RAB30: variants seen among roughly 807,000 people sequenced by gnomAD.
The protein encoded by RAB30 is ras-related protein Rab-30.
Under a neutral mutation model 25.1 loss-of-function variants are expected in RAB30, and 9 were observed. The observed-to-expected ratio is 0.36, with a 90% CI of 0.22 to 0.63. The LOEUF is 0.63. RAB30 is among the 20% of genes least tolerant of loss of function. RAB30 has a pLI of 0.69. For missense variants in RAB30, 140 were observed against 243.5 expected (o/e 0.58, Z 2.83); for synonymous variants, 77 against 86.4 (o/e 0.89, Z 0.60).
At chr11:83,039,931 G>A (rs1590869853) in intron 1 of RAB30, among the ~76,000 whole-genome samples, 2 of 152,200 alleles carry the variant, frequency 1.3e-5, no homozygotes, top group Admixed American at 1.3e-4. Context: ...AGAGGAAGAG[G>A]AGGCAGTCTT....
intron 3 of RAB30, 135 bp from the exon 4 acceptor site, chr11:82,987,905 T>TAAACAAAAAAAAAAAAAAAA (rs1491145878): frequency 2.8e-5 from 1 of 35,280 alleles, no homozygotes; most frequent in Non-Finnish European, 5.0e-5. Context: ...TTTTCTGCCC[T>TAAACAAAAAAAAAAAAAAAA]AAAAAAAAAA....
At chr11:83,006,054 A>T (rs1857177785) in intron 1 of RAB30, among the ~76,000 whole-genome samples, 1 of 151,838 alleles carries the variant, frequency 6.6e-6, no homozygotes, top group East Asian at 1.9e-4. Context: ...ATAAGAGGCC[A>T]TTCATCTCAG....
At chr11:83,062,566 T>C (rs1441643834) in intron 1 of RAB30, among the ~76,000 whole-genome samples, 1 of 152,242 alleles carries the variant, frequency 6.6e-6, no homozygotes. Flanking sequence ...GAAAGACTAG[T>C]ATGAACTTGC....
chr11:83,018,185 G>A (rs901483558), intron 1 of RAB30, among the ~76,000 whole-genome samples: 1 of 151,854 alleles, frequency 6.6e-6, no homozygotes, highest in African/African-American at 2.4e-5. Context: ...TGTAGTCCCA[G>A]CTACTCGGGA....
intron 3 of RAB30, 31 bp from the exon 4 acceptor site, chr11:82,987,801 A>G: frequency 6.8e-7 from 1 of 1,472,860 alleles, no homozygotes; most frequent in Non-Finnish European, 9.2e-7. Context: ...AATCAGGTGA[A>G]GAAGGATCAG....
At chr11:83,012,865 G>T (rs17144500) in intron 1 of RAB30, among the ~76,000 whole-genome samples, 20,595 of 151,912 alleles carry the variant, frequency 0.14, 1,885 homozygotes, top group African/African-American at 0.26. Flanking sequence ...CTATGATCAC[G>T]CAGTCTTGCC....
chr11:83,030,522 G>A (rs1468604351), intron 1 of RAB30, among the ~76,000 whole-genome samples: 5 of 151,934 alleles, frequency 3.3e-5, no homozygotes, highest in Non-Finnish European at 5.9e-5. Context: ...TTTTGGCTGC[G>A]TGTGGTAGCT....
At chr11:83,061,386 T>C (rs1245520575) in intron 1 of RAB30, among the ~76,000 whole-genome samples, 3 of 152,226 alleles carry the variant, frequency 2.0e-5, no homozygotes, top group African/African-American at 4.8e-5. Context: ...GATAAGATTC[T>C]GGATCAGAAA....
At position 82,979,311 on chromosome 11, in the gene RAB30, C is replaced by T. The variant is rs1345625005; in HGVS notation, c.*2854G>A. The T allele has an allele frequency of 6.6e-6, 1 of 152,126 alleles. No homozygotes were observed. Among genetic ancestry groups the T allele is most frequent in the Non-Finnish European group, 1.5e-5 (1 of 68,006 alleles). The allele number at this position is 152,126 out of a possible 1,614,324, so 9.4% of individuals were successfully genotyped here. ...AACTTTATTGAATGAAGAAAAAGAT[C>T]ACACCAAAAATGGAGGAATACATCA... On this transcript the variant is annotated 3_prime_UTR_variant, in exon 5 of 5. Transcript: ENST00000527633.
intron 1 of RAB30, among the ~76,000 whole-genome samples, chr11:83,012,659 A>G (rs1857330150): frequency 6.6e-6 from 1 of 152,212 alleles, no homozygotes; most frequent in African/African-American, 2.4e-5. Context: ...AGATTAAAGG[A>G]ATTAATACAA....
chr11:83,020,694 T>C (rs961710661), intron 1 of RAB30, among the ~76,000 whole-genome samples: 5 of 152,122 alleles, frequency 3.3e-5, no homozygotes, highest in Admixed American at 6.5e-5. Flanking sequence ...ACCAATTGCA[T>C]GCACTTCTTC....
rs1856616258 is a variant in RAB30 at position 82,980,313 on chromosome 11, C to T, written c.*1852G>A. 6.6e-6 allele frequency: 1 copy of T among 152,102 alleles called. No homozygotes were observed. Among genetic ancestry groups the T allele is most frequent in the African/African-American group, 2.4e-5 (1 of 41,414 alleles). The allele number at this position is 152,102 out of a possible 1,614,324, so 9.4% of individuals were successfully genotyped here. A position where few individuals can be genotyped will look rare whatever the true frequency, so the allele number is the denominator to read the frequency against. On this transcript the variant is annotated 3_prime_UTR_variant, in exon 5 of 5. Transcript: ENST00000527633. ...ACTTCTGGGATGCCTTTCTCTTTCC[C>T]ACAGGATCAGGAAAAACACAGTGAG...
intron 1 of RAB30, among the ~76,000 whole-genome samples, chr11:82,998,632 G>T (rs1857011029): frequency 6.6e-6 from 1 of 151,232 alleles, no homozygotes; most frequent in African/African-American, 2.4e-5. Flanking sequence ...GCTTACTATA[G>T]GATTCTGTTA....
At position 82,977,217 on chromosome 11, in the gene RAB30, T is replaced by G. The variant is rs1856560258; in HGVS notation, c.*4948A>C. The G allele has an allele frequency of 6.6e-6, 1 of 152,214 alleles. No individual in the cohort carries two copies. The highest frequency in any genetic ancestry group is 2.1e-4 in the South Asian group (1 of 4,836). 9.4% of individuals were successfully genotyped at this position (152,214 alleles called of 1,614,324 possible). On this transcript the variant is annotated 3_prime_UTR_variant, in exon 5 of 5. Transcript: ENST00000527633. ...CAATACCTTTTGATTCAACAGGACA[T>G]CAATGAATGGACCGACAAAGCAAGT... is the stretch of plus-strand genomic sequence containing the variant.
chr11:83,013,878 T>C, intron 1 of RAB30, among the ~76,000 whole-genome samples: 1 of 152,218 alleles, frequency 6.6e-6, no homozygotes, highest in East Asian at 1.9e-4. Flanking sequence ...CACAGACCTA[T>C]CCACTTTACC....
chr11:83,056,042 A>G (rs747230300), intron 1 of RAB30, among the ~76,000 whole-genome samples: 2 of 152,254 alleles, frequency 1.3e-5, no homozygotes, highest in Non-Finnish European at 2.9e-5. Flanking sequence ...TATACATAAC[A>G]TAAAATTTAC....
chr11:83,017,876 T>C (rs1189474719), intron 1 of RAB30, among the ~76,000 whole-genome samples: 2 of 152,256 alleles, frequency 1.3e-5, no homozygotes, highest in African/African-American at 4.8e-5. Flanking sequence ...ATGACTTACT[T>C]TCCTCTGGGT....
intron 1 of RAB30, among the ~76,000 whole-genome samples, chr11:83,018,982 G>A (rs1296643990): frequency 1.3e-5 from 2 of 152,156 alleles, no homozygotes; most frequent in East Asian, 3.8e-4. Context: ...TCAGTTGGCT[G>A]TAAGTATTTG....
chr11:83,041,741 A>G (rs542001192), intron 1 of RAB30: 1 of 152,506 alleles, frequency 6.6e-6, no homozygotes, highest in East Asian at 1.9e-4. Flanking sequence ...AACTTTTTTT[A>G]AAAAGTTTTT....
Sources: allele counts gnomAD v4.1 joint callset (sites outside exome capture counted in the v4.1 genomes callset), GRCh38; gene constraint gnomAD v4.1.1; transcripts MANE v1.5; gene names NCBI Gene and HGNC (gene_info 2026-07-23, HGNC 2026-07-21).